The following LOXL3 variants were observed in gnomAD, a reference collection of about 807,000 sequenced individuals.
LOXL3 encodes the protein lysyl oxidase like 3.
Under a neutral mutation model 91.8 loss-of-function variants are expected in LOXL3, and 60 were observed. The observed-to-expected ratio is 0.65, with a 90% confidence interval of 0.53 to 0.81. The LOEUF is 0.81. LOXL3 is among the 30% of genes least tolerant of loss of function. LOXL3 has a pLI of 0.00. For synonymous variants in LOXL3, 355 were observed against 387.6 expected (o/e 0.92, Z 0.99); for missense variants, 874 against 1,000.4 (o/e 0.87, Z 1.70).
At chr2:74,555,167 C>G (rs1677341691), upstream of LOXL3, 12 of 1,612,336 alleles carry the variant, frequency 7.4e-6, no homozygotes, top group Non-Finnish European at 1.0e-5. The surrounding 1 kb of genome is among the most constrained non-coding windows in gnomAD (Gnocchi z 6.1). Flanking sequence ...TGGAGGAAGA[C>G]CTGGGCCGTG....
chr2:74,555,389 T>G (rs756391362), upstream of LOXL3: 1 of 1,612,408 alleles, frequency 6.2e-7, no homozygotes, highest in Non-Finnish European at 8.5e-7. This position sits in a 1 kb window ranked among gnomAD's most constrained non-coding sequence, Gnocchi z 6.1. Flanking sequence ...CGCTCGCACC[T>G]GCTGGCGGCC....
In LOXL3 at chr2:74,536,727, C is replaced by T; in HGVS notation, c.894G>A (p.Gln298=). The T allele has an allele frequency of 6.2e-7, 1 of 1,614,206 alleles. No individual in the cohort carries two copies. The highest frequency in any genetic ancestry group is 8.5e-7 in the Non-Finnish European group (1 of 1,180,018). Residue 298 remains glutamine (Q), a synonymous_variant, in exon 5 of 14, where the codon CAG becomes CAA. Coordinates refer to ENST00000264094, the MANE Select transcript of LOXL3 (RefSeq NM_032603.5). This position sits in a 1 kb window ranked among gnomAD's most constrained non-coding sequence, Gnocchi z 4.5. The part of the protein sequence containing the change: ...AASSGQKKQQ[Q]SKPQGEARVR... ...CACACACCTCCCCCTGAGGCTTCGA[C>T]TGTTGTTGCTTCTTCTGGCCACTGG... is the stretch of plus-strand genomic sequence containing the variant.
intron 2 of LOXL3, among the ~76,000 whole-genome samples, chr2:74,551,713 GGGGAATCA>G (rs1291752934): frequency 6.6e-6 from 1 of 152,100 alleles, no homozygotes; most frequent in Non-Finnish European, 1.5e-5. Context: ...AGTGGGAACT[GGGGAATCA>G]GCTGCAGGTT....
At chr2:74,542,243 T>C (rs1676365862) in intron 4 of LOXL3, among the ~76,000 whole-genome samples, 1 of 152,126 alleles carries the variant, frequency 6.6e-6, no homozygotes, top group African/African-American at 2.4e-5. Flanking sequence ...CAGTGAGCCA[T>C]GATGGCGCCA....
At chr2:74,552,894 C>A in intron 1 of LOXL3, 1 of 445,400 alleles carries the variant, frequency 2.2e-6, no homozygotes. Flanking sequence ...TATGAGAGAT[C>A]GAGAGTCAGA....
rs371830416 is a variant in LOXL3 at position 74,535,123 on chromosome 2, C to A, written c.1579+169G>T. Among the ~76,000 whole-genome samples, 2 of 152,256 alleles carry A rather than the reference C, an allele frequency of 1.3e-5. No homozygotes were observed. Among genetic ancestry groups the A allele is most frequent in the East Asian group, 3.9e-4 (2 of 5,184 alleles). On this transcript the variant is annotated intron_variant, in intron 9 of 13. Transcript: ENST00000264094. The surrounding 1 kb of genome is among the most constrained non-coding windows in gnomAD (Gnocchi z 4.2). ...TGAATTCCTGACCTCGTGATCCATC[C>A]GCCTTGGCCTCCTAAAGTGCTGGGA...
rs768199934 is a variant in LOXL3, at chr2:74,535,276, C to T, written c.1579+16G>A. Reference sequence around the variant, plus strand: ...CACTCCCTTCCCTGGCATGCATCACCCCCTCCTTCACTCACTCTCAGAACA... The same window carrying T: ...CACTCCCTTCCCTGGCATGCATCACTCCCTCCTTCACTCACTCTCAGAACA... On this transcript the variant is annotated intron_variant, in intron 9 of 13. Coordinates refer to ENST00000264094, the MANE Select transcript of LOXL3 (RefSeq NM_032603.5). This position sits in a 1 kb window ranked among gnomAD's most constrained non-coding sequence, Gnocchi z 4.2. 31 of 1,602,146 alleles carry T rather than the reference C, an allele frequency of 1.9e-5. No homozygotes were observed. The East Asian group carries it at 6.9e-4, about 36-fold the overall frequency.
At chr2:74,553,100 A>C (rs1291651873) in intron 1 of LOXL3, 2 of 157,858 alleles carry the variant, frequency 1.3e-5, no homozygotes, top group Non-Finnish European at 2.8e-5. Flanking sequence ...AACCAAGCAC[A>C]CCGCGGGTGA....
intron 1 of LOXL3, among the ~76,000 whole-genome samples, chr2:74,553,570 C>G (rs1466941795): frequency 1.3e-5 from 2 of 152,222 alleles, no homozygotes; most frequent in Non-Finnish European, 2.9e-5. Flanking sequence ...CAACATGCTT[C>G]CCCCAACCCA....
Position 74,552,325 on chromosome 2 carries a change from T to G in LOXL3, c.310A>C (p.Thr104Pro). 5.6e-6 allele frequency: 9 copies of G among 1,597,312 alleles called. No homozygotes were observed. The highest frequency in any genetic ancestry group is 7.7e-6 in the Non-Finnish European group (9 of 1,166,014). The part of the protein sequence containing the change: ...WTHSAKYGPG[T>P]GRIWLDNLSC... ...ATATGCCTGGATCATTGCTCACCTG[T>G]TCCAGGGCCATATTTGGCACTGTGG... Residue 104 changes from threonine (T) to proline (P), a missense_variant, in exon 2 of 14, where the codon ACA becomes CCA. By Grantham distance (38) the Thr-to-Pro change is conservative. Coordinates refer to ENST00000264094, the MANE Select transcript of LOXL3 (RefSeq NM_032603.5).
Position 74,549,747 on chromosome 2 carries a change from G to A in LOXL3, c.478-164C>T. 2 of 1,439,652 alleles carry A rather than the reference G, an allele frequency of 1.4e-6. No individual in the cohort carries two copies. Among genetic ancestry groups the A allele is most frequent in the South Asian group, 1.5e-5 (1 of 66,156 alleles). 89.2% of individuals were successfully genotyped at this position (1,439,652 alleles called of 1,614,324 possible). ...CACGATGGCCGCAGTCCGCGGTGTG[G>A]ACTCTCTTGCAGCCAGCAGCGCGTG... On this transcript the variant is annotated intron_variant, in intron 3 of 13. Coordinates refer to ENST00000264094, the MANE Select transcript of LOXL3 (RefSeq NM_032603.5). The surrounding 1 kb of genome is among the most constrained non-coding windows in gnomAD (Gnocchi z 5.3).
chr2:74,554,636 C>G (rs969657284), upstream of LOXL3: 351 of 963,002 alleles, frequency 3.6e-4, no homozygotes, highest in Non-Finnish European at 5.1e-4. This position sits in a 1 kb window ranked among gnomAD's most constrained non-coding sequence, Gnocchi z 4.9. Context: ...CCGCGACCCC[C>G]CCAGCGGCTG....
Position 74,552,653 on chromosome 2 carries a change from G to A in LOXL3, c.-12-7C>T, listed in dbSNP as rs1331366843. The A allele has an allele frequency of 1.3e-6, 2 of 1,520,772 alleles. No individual in the cohort carries two copies. The highest frequency in any genetic ancestry group is 1.8e-6 in the Non-Finnish European group (2 of 1,125,668). 94.2% of individuals were successfully genotyped at this position (1,520,772 alleles called of 1,614,324 possible). A position where few individuals can be genotyped will look rare whatever the true frequency, so the allele number is the denominator to read the frequency against. ...GTCGCATGGCAGGGAAGGCCTGGGT[G>A]CCCCAGAGACAAAGTGTGCGTGAGA... is the stretch of plus-strand genomic sequence containing the variant. On this transcript the variant is annotated splice_polypyrimidine_tract_variant and splice_region_variant and intron_variant, in intron 1 of 13. Transcript: ENST00000264094.
chr2:74,540,392 G>C (rs1202330759), intron 4 of LOXL3, among the ~76,000 whole-genome samples: 1 of 152,228 alleles, frequency 6.6e-6, no homozygotes, highest in Non-Finnish European at 1.5e-5. Flanking sequence ...GAACTAGCCT[G>C]AGTCAGGCCT....
At chr2:74,554,866 G>T, upstream of LOXL3, 1 of 1,607,966 alleles carries the variant, frequency 6.2e-7, no homozygotes, top group Non-Finnish European at 8.5e-7. This position sits in a 1 kb window ranked among gnomAD's most constrained non-coding sequence, Gnocchi z 4.9. Context: ...GTGGGTGAGA[G>T]AGCCCAGAAA....
rs1007223061 is a variant in LOXL3 at position 74,549,437 on chromosome 2, G to C, written c.624C>G (p.His208Gln). 2 of 1,613,288 alleles carry C rather than the reference G, an allele frequency of 1.2e-6. No homozygotes were observed. Among genetic ancestry groups the C allele is most frequent in the Non-Finnish European group, 1.7e-6 (2 of 1,179,706 alleles). Residue 208 changes from histidine to glutamine, a missense_variant, in exon 4 of 14, where the codon CAC becomes CAG. By Grantham distance (24) the His-to-Gln change is conservative. Transcript: ENST00000264094. This position sits in a 1 kb window ranked among gnomAD's most constrained non-coding sequence, Gnocchi z 5.3. ...GCATCCCGCAGACCACGTGGCTGTT[G>C]TGGGCGCTCCAGCCTTTGTCGCACA... is the stretch of plus-strand genomic sequence containing the variant. ...SQVCDKGWSA[H>Q]NSHVVCGMLG...
Position 74,536,050 on chromosome 2 carries a change from A to G in LOXL3, c.1194T>C (p.His398=), listed in dbSNP as rs778880659. 2.5e-6 allele frequency: 4 copies of G among 1,609,946 alleles called. No individual in the cohort carries two copies. Among genetic ancestry groups the G allele is most frequent in the Non-Finnish European group, 3.4e-6 (4 of 1,177,980 alleles). ...TGCACCGGACCCCGGCATCCTGGCTATGTGAACAATCCTCAGCTGTGATGT... is the reference window on the plus strand; with the variant it reads ...TGCACCGGACCCCGGCATCCTGGCTGTGTGAACAATCCTCAGCTGTGATGT... ...HKNITAEDCS[H]SQDAGVRCNL... Residue 398 remains histidine, a synonymous_variant, in exon 7 of 14, where the codon CAT becomes CAC. Coordinates refer to ENST00000264094, the MANE Select transcript of LOXL3 (RefSeq NM_032603.5). This position sits in a 1 kb window ranked among gnomAD's most constrained non-coding sequence, Gnocchi z 4.5.
rs150689278 is a variant in LOXL3 at position 74,549,895 on chromosome 2, A to T, written c.477+290T>A. 2.0e-6 allele frequency: 2 copies of T among 985,464 alleles called. No individual in the cohort carries two copies. The highest frequency in any genetic ancestry group is 3.5e-5 in the African/African-American group (2 of 57,368). The allele number at this position is 985,464 out of a possible 1,614,324, so 61.0% of individuals were successfully genotyped here. A position where few individuals can be genotyped will look rare whatever the true frequency, so the allele number is the denominator to read the frequency against. ...GAAGGAGGAGAAAGTCAGAAGGAAG[A>T]TGTCTCAGGAAAGCAGGAACATTTG... On this transcript the variant is annotated intron_variant, in intron 3 of 13. Transcript: ENST00000264094. This position sits in a 1 kb window ranked among gnomAD's most constrained non-coding sequence, Gnocchi z 5.3.
At position 74,549,468 on chromosome 2, in the gene LOXL3, G is replaced by A. The variant is rs1236265183; in HGVS notation, c.593C>T (p.Ser198Leu). The A allele has an allele frequency of 2.5e-6, 4 of 1,613,126 alleles. No individual in the cohort carries two copies. Among genetic ancestry groups the A allele is most frequent in the Middle Eastern group, 1.7e-4 (1 of 6,060 alleles). Residue 198 changes from serine to leucine, a missense_variant, in exon 4 of 14, where the codon TCG (serine) becomes TTG (leucine). Transcript: ENST00000264094. This position sits in a 1 kb window ranked among gnomAD's most constrained non-coding sequence, Gnocchi z 5.3. ...GCTCCAGCCTTTGTCGCACACTTGC[G>A]ACCAGCCGTCAGGAAGCCTGACTTC... is the stretch of plus-strand genomic sequence containing the variant. ...LVEVRLPDGWSQVCDKGWSAH... is the reference protein window; with the variant it reads ...LVEVRLPDGWLQVCDKGWSAH...
Sources: gnomAD v4.1 joint callset for allele counts (sites outside exome capture counted in the v4.1 genomes callset) on GRCh38, gnomAD v4.1.1 for gene constraint, Gnocchi (gnomAD v3.1) non-coding constraint, MANE v1.5 for transcripts, NCBI Gene and HGNC (gene_info 2026-07-23, HGNC 2026-07-21) for gene names.